The following CASZ1 variants were observed in gnomAD, a reference collection of about 807,000 sequenced individuals.
CASZ1 encodes castor zinc finger 1, also known as zinc finger protein castor homolog 1.
CASZ1 carries 28 observed loss-of-function variants against 135.2 expected under a neutral mutation model. The observed-to-expected ratio is 0.21, with a 90% CI of 0.15 to 0.28. The LOEUF (loss-of-function observed/expected upper bound fraction) is 0.28, where lower values mean the gene tolerates loss of function less well. CASZ1 is among the 10% of genes least tolerant of loss of function. CASZ1 has a pLI of 1.00. For synonymous variants in CASZ1, 1,068 were observed against 1,073.4 expected (o/e 0.99, Z 0.10); for missense variants, 2,161 against 2,453.3 (o/e 0.88, Z 2.52).
At chr1:10,664,388 A>G (rs1305183983) in intron 5 of CASZ1, among the ~76,000 whole-genome samples, 3 of 142,090 alleles carry the variant, frequency 2.1e-5, no homozygotes. Flanking sequence ...CTCGATCCCC[A>G]GGACATGGAC....
At chr1:10,645,457 G>A (rs1205163203) in intron 17 of CASZ1, among the ~76,000 whole-genome samples, 2 of 152,188 alleles carry the variant, frequency 1.3e-5, no homozygotes, top group East Asian at 1.9e-4. Flanking sequence ...GTGAACCCGG[G>A]AGGCAGAGCT....
Position 10,739,867 on chromosome 1 carries a change from G to T in CASZ1, c.-77+20834C>A, listed in dbSNP as rs747399735. The stretch of plus-strand genomic sequence containing the variant: ...AGTTGAGGCTGAGACCTGGGAAGCC[G>T]CAAGGTGCTGGGATCCCAGACGAGT... On this transcript the variant is annotated intron_variant, in intron 2 of 20. Transcript: ENST00000377022. This position sits in a 1 kb window ranked among gnomAD's most constrained non-coding sequence, Gnocchi z 4.8. Among the ~76,000 whole-genome samples the T allele has an allele frequency of 6.6e-6, 1 of 152,170 alleles. No individual in the cohort carries two copies. The highest frequency in any genetic ancestry group is 1.5e-5 in the Non-Finnish European group (1 of 68,034).
chr1:10,733,410 G>A (rs1480896054), intron 2 of CASZ1, among the ~76,000 whole-genome samples: 3 of 152,204 alleles, frequency 2.0e-5, no homozygotes, highest in Non-Finnish European at 2.9e-5. Context: ...GAAGCTCATG[G>A]TACAGCACCC....
Position 10,659,769 on chromosome 1 carries a change from G to A in CASZ1, c.1273C>T (p.Pro425Ser), listed in dbSNP as rs1332510890. 6.2e-7 allele frequency: 1 copy of A among 1,614,044 alleles called. No homozygotes were observed. The change falls in exon 6 of 21, where the codon CCC (proline) becomes TCC (serine). Residue 425 changes from proline to serine, a missense_variant. Transcript: ENST00000377022. The stretch of plus-strand genomic sequence containing the variant: ...GAGAAGGTTGACTTCAGGTACTCGG[G>A]AGTGTTGAAGGACAGGGAGGCAGGA... The part of the protein sequence containing the change: ...EPPASLSFNT[P>S]EYLKSTFSKT...
At chr1:10,687,277 G>A (rs1012654987) in intron 4 of CASZ1, among the ~76,000 whole-genome samples, 1 of 152,322 alleles carries the variant, frequency 6.6e-6, no homozygotes, top group East Asian at 1.9e-4. Flanking sequence ...ACATGTGTCC[G>A]TTTCCCAGCT....
chr1:10,694,387 A>T lies in CASZ1; in HGVS notation c.-23-475T>A. Reference sequence around the variant, plus strand: ...CTAATTGCAACTGATTACTCCCCGAATAACAAGTTGTTTTAAAGCCCTGAT... The same window carrying T: ...CTAATTGCAACTGATTACTCCCCGATTAACAAGTTGTTTTAAAGCCCTGAT... On this transcript the variant is annotated intron_variant, in intron 3 of 20. Coordinates refer to ENST00000377022, the MANE Select transcript of CASZ1 (RefSeq NM_001079843.3). This position sits in a 1 kb window ranked among gnomAD's most constrained non-coding sequence, Gnocchi z 6.6. The T allele has an allele frequency of 9.9e-7, 1 of 1,007,862 alleles. No individual in the cohort carries two copies. Among genetic ancestry groups the T allele is most frequent in the Non-Finnish European group, 1.3e-6 (1 of 791,902 alleles). The allele number at this position is 1,007,862 out of a possible 1,614,324, so 62.4% of individuals were successfully genotyped here.
chr1:10,723,392 T>C (rs1209997437), intron 2 of CASZ1, among the ~76,000 whole-genome samples: 1 of 152,182 alleles, frequency 6.6e-6, no homozygotes, highest in Non-Finnish European at 1.5e-5. Flanking sequence ...TGTGCCATGA[T>C]TTAGAGCCCC....
Position 10,656,746 on chromosome 1 carries a change from G to A in CASZ1, c.1410-10C>T. The A allele has an allele frequency of 2.6e-6, 4 of 1,565,532 alleles. No homozygotes were observed. Among genetic ancestry groups the A allele is most frequent in the Non-Finnish European group, 3.5e-6 (4 of 1,150,756 alleles). On this transcript the variant is annotated splice_polypyrimidine_tract_variant and intron_variant, in intron 7 of 20. Coordinates refer to ENST00000377022, the MANE Select transcript of CASZ1 (RefSeq NM_001079843.3). ...CTGGCTGCCCGAGAACCTGGAGGGA[G>A]GAGGGGTGGGGTCAGGGCCCTGCTG...
rs2124661560 is a variant in CASZ1, at chr1:10,639,217, C to T, written c.5005G>A (p.Ala1669Thr). ...PREGAAAAAA[A>T]AGESSQEDEE... Reference sequence around the variant, plus strand: ...TCCTCCTGCGAGGACTCCCCAGCTGCGGCGGCGGCGGCGGCGGCGCCCTCG... The same window carrying T: ...TCCTCCTGCGAGGACTCCCCAGCTGTGGCGGCGGCGGCGGCGGCGCCCTCG... Residue 1669 changes from alanine (A) to threonine (T), a missense_variant, in exon 21 of 21, where the codon GCA becomes ACA. Ala to Thr is a moderately conservative substitution (Grantham distance 58). Around this residue, in one of 7 missense-constraint regions of CASZ1, gnomAD observed 185 missense variants for 134.7 expected, o/e 1.37. Coordinates refer to ENST00000377022, the MANE Select transcript of CASZ1 (RefSeq NM_001079843.3). This position sits in a 1 kb window ranked among gnomAD's most constrained non-coding sequence, Gnocchi z 4.0. The T allele has an allele frequency of 2.5e-6, 2 of 802,442 alleles. No homozygotes were observed. Among genetic ancestry groups the T allele is most frequent in the Non-Finnish European group, 1.5e-6 (1 of 662,750 alleles). The allele number at this position is 802,442 out of a possible 1,614,324, so 49.7% of individuals were successfully genotyped here. A position where few individuals can be genotyped will look rare whatever the true frequency, so the allele number is the denominator to read the frequency against.
At chr1:10,673,008 C>G (rs1358479280) in intron 4 of CASZ1, among the ~76,000 whole-genome samples, 1 of 151,680 alleles carries the variant, frequency 6.6e-6, no homozygotes, top group Non-Finnish European at 1.5e-5. Context: ...CAGGGAAGCC[C>G]CAGAGGAAGG....
At position 10,720,116 on chromosome 1, in the gene CASZ1, G is replaced by A. The variant is rs1038737280; in HGVS notation, c.-76-14572C>T. 6.6e-6 allele frequency among the ~76,000 whole-genome samples: 1 copy of A among 152,246 alleles called. No individual in the cohort carries two copies. Among genetic ancestry groups the A allele is most frequent in the Non-Finnish European group, 1.5e-5 (1 of 68,042 alleles). ...CGGCTGCAAGTTCTGAAGTCTGGTA[G>A]GTACCGATGGGCATGTGATCTGGCC... On this transcript the variant is annotated intron_variant, in intron 2 of 20. Transcript: ENST00000377022. The surrounding 1 kb of genome is among the most constrained non-coding windows in gnomAD (Gnocchi z 5.7).
In CASZ1 at chr1:10,720,167, A is replaced by G. The variant is rs749458234; in HGVS notation, c.-76-14623T>C. Among the ~76,000 whole-genome samples the G allele has an allele frequency of 5.3e-5, 8 of 152,208 alleles. No individual in the cohort carries two copies. The highest frequency in any genetic ancestry group is 1.2e-4 in the Non-Finnish European group (8 of 68,038). On this transcript the variant is annotated intron_variant, in intron 2 of 20. Coordinates refer to ENST00000377022, the MANE Select transcript of CASZ1 (RefSeq NM_001079843.3). The surrounding 1 kb of genome is among the most constrained non-coding windows in gnomAD (Gnocchi z 5.7). ...TCTCCGAGGTTCAATTTCCTTGTCT[A>G]TAAAATGCACGCGATGATCGTGCCT...
At position 10,694,198 on chromosome 1, in the gene CASZ1, G is replaced by A. The variant is rs1181609771; in HGVS notation, c.-23-286C>T. 1 of 342,176 alleles carries A rather than the reference G, an allele frequency of 2.9e-6. No homozygotes were observed. The highest frequency in any genetic ancestry group is 2.2e-5 in the African/African-American group (1 of 44,678). The allele number at this position is 342,176 out of a possible 1,614,324, so 21.2% of individuals were successfully genotyped here. On this transcript the variant is annotated intron_variant, in intron 3 of 20. Transcript: ENST00000377022. The surrounding 1 kb of genome is among the most constrained non-coding windows in gnomAD (Gnocchi z 6.6). ...GGGGCCCTGGCCGGGGGATCCGCGAGGCCCAGGGGCGCCCCCGTCCCGCCG... is the reference window on the plus strand; with the variant it reads ...GGGGCCCTGGCCGGGGGATCCGCGAAGCCCAGGGGCGCCCCCGTCCCGCCG...
chr1:10,688,252 C>G (rs1412130763), intron 4 of CASZ1, among the ~76,000 whole-genome samples: 1 of 152,214 alleles, frequency 6.6e-6, no homozygotes, highest in Non-Finnish European at 1.5e-5. Context: ...CCCAGAACAG[C>G]AGGCTCGCAG....
Position 10,706,438 on chromosome 1 carries a change from G to T in CASZ1, c.-76-894C>A, listed in dbSNP as rs967116018. Among the ~76,000 whole-genome samples the T allele has an allele frequency of 6.6e-6, 1 of 152,162 alleles. No individual in the cohort carries two copies. Among genetic ancestry groups the T allele is most frequent in the African/African-American group, 2.4e-5 (1 of 41,416 alleles). On this transcript the variant is annotated intron_variant, in intron 2 of 20. Transcript: ENST00000377022. The surrounding 1 kb of genome is among the most constrained non-coding windows in gnomAD (Gnocchi z 4.3). ...AGGCTTGGGGAGGGCTGTCTGTTAC[G>T]TTTTCTTCTCCCCCTCCCTCATTTG... is the stretch of plus-strand genomic sequence containing the variant.
In CASZ1 at chr1:10,774,485, G is replaced by A. The variant is rs1038309526; in HGVS notation, c.-233-13628C>T. On this transcript the variant is annotated intron_variant, in intron 1 of 20. Transcript: ENST00000377022. This position sits in a 1 kb window ranked among gnomAD's most constrained non-coding sequence, Gnocchi z 4.4. ...AAAGAAGAGGTTGCTGGCCTGTTGC[G>A]GGGCTGGGTTTAGAGTCCTTTGCCT... is the stretch of plus-strand genomic sequence containing the variant. Among the ~76,000 whole-genome samples the A allele has an allele frequency of 9.2e-5, 14 of 152,094 alleles. No individual in the cohort carries two copies. Among genetic ancestry groups the A allele is most frequent in the Admixed American group, 3.9e-4 (6 of 15,280 alleles).
rs371330491 is a variant in CASZ1, at chr1:10,676,280, C to T, written c.17-10709G>A. ...CCATGCTGCTTCTCATTCCCTCTCC[C>T]GGAAGCCCTGGGCTCCCGCTATTGT... On this transcript the variant is annotated intron_variant, in intron 4 of 20. Transcript: ENST00000377022. This position sits in a 1 kb window ranked among gnomAD's most constrained non-coding sequence, Gnocchi z 4.5. Among the ~76,000 whole-genome samples, 11 of 152,296 alleles carry T rather than the reference C, an allele frequency of 7.2e-5. No individual in the cohort carries two copies. The East Asian group carries it at 1.2e-3, about 16-fold the overall frequency.
intron 2 of CASZ1, among the ~76,000 whole-genome samples, chr1:10,734,330 A>C (rs1639756778): frequency 6.6e-6 from 1 of 152,144 alleles, no homozygotes; most frequent in Admixed American, 6.5e-5. Flanking sequence ...AAAAAAAAAA[A>C]ATTCTAGGAA....
intron 1 of CASZ1, among the ~76,000 whole-genome samples, chr1:10,763,425 A>G (rs1640415434): frequency 6.6e-6 from 1 of 152,138 alleles, no homozygotes; most frequent in Non-Finnish European, 1.5e-5. Flanking sequence ...GATGCCTAAG[A>G]CTTCCCTCCT....
Sources: allele counts gnomAD v4.1 joint callset (sites outside exome capture counted in the v4.1 genomes callset), GRCh38; gene constraint gnomAD v4.1.1; regional missense constraint gnomAD v4.1.1; non-coding constraint Gnocchi (gnomAD v3.1); transcripts MANE v1.5; gene names NCBI Gene and HGNC (gene_info 2026-07-23, HGNC 2026-07-21).